Variants in GRID2 observed in about 807,000 individuals in gnomAD.
The protein encoded by GRID2 is glutamate receptor ionotropic, delta-2.
GRID2 carries 33 observed loss-of-function variants against 114.8 expected under a neutral mutation model. That is an observed-to-expected ratio of 0.29 (90% CI 0.22 to 0.38). The LOEUF (loss-of-function observed/expected upper bound fraction) is 0.38, where lower values mean the gene tolerates loss of function less well. GRID2 is among the 10% of genes least tolerant of loss of function. GRID2 has a pLI of 1.00. For synonymous variants in GRID2, 505 were observed against 449.9 expected, an observed-to-expected ratio of 1.12 and a Z score of -1.55; for missense variants, 1,184 against 1,257.7, an observed-to-expected ratio of 0.94 and a Z score of 0.89.
At chr4:92,588,315 AAAT>A (rs1241411120) in intron 1 of GRID2, among the ~76,000 whole-genome samples, 5 of 152,078 alleles carry the variant, frequency 3.3e-5, no homozygotes, top group Non-Finnish European at 5.9e-5. Context: ...TTGATTAATA[AAAT>A]AATAATATTC....
chr4:93,681,787 G>T (rs1345379633), intron 14 of GRID2, among the ~76,000 whole-genome samples: 1 of 152,116 alleles, frequency 6.6e-6, no homozygotes, highest in Non-Finnish European at 1.5e-5. Context: ...ATTCAAGTTG[G>T]ATTAAAGACT....
chr4:93,238,084 G>A (rs949119951), intron 7 of GRID2, among the ~76,000 whole-genome samples: 1 of 151,770 alleles, frequency 6.6e-6, no homozygotes, highest in Non-Finnish European at 1.5e-5. Flanking sequence ...CTGGAACTTA[G>A]TCTGAGCTCT....
At chr4:92,945,209 G>A (rs912327584) in intron 2 of GRID2, among the ~76,000 whole-genome samples, 1 of 152,072 alleles carries the variant, frequency 6.6e-6, no homozygotes, top group East Asian at 1.9e-4. Flanking sequence ...CTTTGAATAT[G>A]TGAACCTCAC....
chr4:92,686,130 A>T (rs927335334), intron 2 of GRID2, among the ~76,000 whole-genome samples: 1 of 152,022 alleles, frequency 6.6e-6, no homozygotes, highest in Non-Finnish European at 1.5e-5. Context: ...TTAAAGATTA[A>T]CAGTAAGATT....
At chr4:92,561,615 GGATA>G (rs1321211557) in intron 1 of GRID2, among the ~76,000 whole-genome samples, 1 of 152,082 alleles carries the variant, frequency 6.6e-6, no homozygotes, top group Non-Finnish European at 1.5e-5. Context: ...GATAGGTGTG[GGATA>G]GATTATTTCT....
At chr4:93,402,674 T>C (rs1766012560) in intron 9 of GRID2, among the ~76,000 whole-genome samples, 1 of 152,112 alleles carries the variant, frequency 6.6e-6, no homozygotes, top group Non-Finnish European at 1.5e-5. Context: ...AAGCTGGTAC[T>C]TCCTAGAGGA....
intron 1 of GRID2, among the ~76,000 whole-genome samples, chr4:92,393,882 T>G (rs1730370996): frequency 6.6e-6 from 1 of 152,182 alleles, no homozygotes; most frequent in Non-Finnish European, 1.5e-5. Context: ...ATCATATTAG[T>G]GTTGGTCATT....
intron 2 of GRID2, among the ~76,000 whole-genome samples, chr4:92,868,891 G>T (rs1474346974): frequency 6.6e-6 from 1 of 151,916 alleles, no homozygotes; most frequent in Non-Finnish European, 1.5e-5. Flanking sequence ...AAAGATGCAT[G>T]AAAAAAATCT....
At chr4:92,459,086 A>G (rs1721351082) in intron 1 of GRID2, among the ~76,000 whole-genome samples, 7 of 152,172 alleles carry the variant, frequency 4.6e-5, no homozygotes. Context: ...TATTTAAAAA[A>G]TTGTCATCAT....
intron 1 of GRID2, among the ~76,000 whole-genome samples, chr4:92,579,228 T>A (rs1228981681): frequency 3.3e-5 from 5 of 152,142 alleles, no homozygotes; most frequent in Non-Finnish European, 4.4e-5. Flanking sequence ...GTAAACATTC[T>A]TGCTGGACAT....
chr4:93,116,813 A>G (rs72887644), intron 4 of GRID2, among the ~76,000 whole-genome samples: 8,976 of 151,892 alleles, frequency 0.059, 465 homozygotes, highest in East Asian at 0.21. Context: ...GGCAAGAGTT[A>G]TAGTGCTGTT....
intron 1 of GRID2, among the ~76,000 whole-genome samples, chr4:92,452,960 G>C (rs1013795891): frequency 6.6e-6 from 1 of 151,108 alleles, no homozygotes. Context: ...GTGTGTGTGT[G>C]TGTGTGCATA....
At chr4:93,456,664 A>C (rs1260411743) in intron 11 of GRID2, among the ~76,000 whole-genome samples, 1 of 152,192 alleles carries the variant, frequency 6.6e-6, no homozygotes, top group African/African-American at 2.4e-5. Context: ...CTCATAGAGA[A>C]TGAAATAGTA....
chr4:93,026,611 T>C (rs1006681343), intron 2 of GRID2, among the ~76,000 whole-genome samples: 2 of 151,934 alleles, frequency 1.3e-5, no homozygotes, highest in Non-Finnish European at 2.9e-5. Context: ...TAGAAGAGGA[T>C]ATTTTTAATA....
intron 2 of GRID2, among the ~76,000 whole-genome samples, chr4:92,943,009 C>T (rs1053029463): frequency 3.3e-5 from 5 of 152,120 alleles, no homozygotes; most frequent in African/African-American, 1.2e-4. Context: ...AACTTTATTT[C>T]CTTCATTTCA....
chr4:93,081,474 T>G (rs1729862506), intron 2 of GRID2, among the ~76,000 whole-genome samples: 1 of 152,122 alleles, frequency 6.6e-6, no homozygotes, highest in Non-Finnish European at 1.5e-5. Context: ...AACTGCAGAG[T>G]GACCACAAAG....
chr4:93,505,288 T>A (rs2149478886), intron 12 of GRID2, among the ~76,000 whole-genome samples: 1 of 152,194 alleles, frequency 6.6e-6, no homozygotes, highest in Non-Finnish European at 1.5e-5. Context: ...TTTTCAAGAA[T>A]ATAGGAATAT....
chr4:92,590,123 C>G lies in GRID2; in HGVS notation c.89-8C>G. Reference sequence around the variant, plus strand: ...TATTATTTAATGGCAAAATTCACTTCTTTCTAGGAGCAATTTTTGATGAAT... The same window carrying G: ...TATTATTTAATGGCAAAATTCACTTGTTTCTAGGAGCAATTTTTGATGAAT... On this transcript the variant is annotated splice_region_variant and splice_polypyrimidine_tract_variant and intron_variant, in intron 1 of 15. Coordinates refer to ENST00000282020, the MANE Select transcript of GRID2 (RefSeq NM_001510.4). The G allele has an allele frequency of 6.2e-7, 1 of 1,600,476 alleles. No homozygotes were observed. The highest frequency in any genetic ancestry group is 8.6e-7 in the Non-Finnish European group (1 of 1,168,388).
rs539792490 is a variant in GRID2, at chr4:92,927,469, G to C, written c.245-157526G>C. 6.6e-5 allele frequency among the ~76,000 whole-genome samples: 10 copies of C among 151,904 alleles called. No homozygotes were observed. In the South Asian group the frequency reaches 1.0e-3, roughly 16 times the overall value. Reference sequence around the variant, plus strand: ...TCCAATTCCCACAGGGTAGCACAAAGAGAGCTAGATGCTACCTGTACACAG... The same window carrying C: ...TCCAATTCCCACAGGGTAGCACAAACAGAGCTAGATGCTACCTGTACACAG... On this transcript the variant is annotated intron_variant, in intron 2 of 15. Transcript: ENST00000282020.
Sources: allele counts gnomAD v4.1 joint callset (sites outside exome capture counted in the v4.1 genomes callset), GRCh38; gene constraint gnomAD v4.1.1; transcripts MANE v1.5; gene names NCBI Gene and HGNC (gene_info 2026-07-23, HGNC 2026-07-21).